Variants in TOP1 observed in about 807,000 individuals in gnomAD.
TOP1 encodes the protein DNA topoisomerase 1.
Under a neutral mutation model 111.1 loss-of-function variants are expected in TOP1, and 10 were observed. The observed-to-expected ratio is 0.09, with a 90% confidence interval of 0.06 to 0.15. TOP1 has a LOEUF of 0.15. TOP1 is among the 10% of genes least tolerant of loss of function. TOP1 has a pLI of 1.00. For synonymous variants in TOP1, 271 were observed against 302.9 expected (o/e 0.89, Z 1.10); for missense variants, 474 against 926.7 (o/e 0.51, Z 6.34).
At position 41,121,608 on chromosome 20, in the gene TOP1, T is replaced by A; in HGVS notation, c.1951-88T>A. On this transcript the variant is annotated intron_variant, in intron 18 of 20. Transcript: ENST00000361337. The surrounding 1 kb of genome is among the most constrained non-coding windows in gnomAD (Gnocchi z 4.2). ...TGACAAACCACTGACAGAGACAGCCTGGTCCAGATAACATCTTGGTTTCAC... is the reference window on the plus strand; with the variant it reads ...TGACAAACCACTGACAGAGACAGCCAGGTCCAGATAACATCTTGGTTTCAC... 6 of 1,000,340 alleles carry A rather than the reference T, an allele frequency of 6.0e-6. No homozygotes were observed. The South Asian group carries it at 7.8e-5, about 13-fold the overall frequency. 62.0% of individuals were successfully genotyped at this position (1,000,340 alleles called of 1,614,324 possible).
At chr20:41,040,765 C>T (rs796921502) in intron 2 of TOP1, among the ~76,000 whole-genome samples, 6 of 140,830 alleles carry the variant, frequency 4.3e-5, no homozygotes, top group African/African-American at 1.7e-4. Context: ...GAGATGGCAC[C>T]ACTGCACTTC....
At position 41,097,994 on chromosome 20, in the gene TOP1, T is replaced by G. The variant is rs568547888; in HGVS notation, c.853-221T>G. The stretch of plus-strand genomic sequence containing the variant: ...CATAAGAATTCATTTTTTTCCATGA[T>G]AAGTCATTTTAAAACATTTTAATAT... On this transcript the variant is annotated intron_variant, in intron 10 of 20. Transcript: ENST00000361337. This position sits in a 1 kb window ranked among gnomAD's most constrained non-coding sequence, Gnocchi z 4.2. 6.6e-6 allele frequency among the ~76,000 whole-genome samples: 1 copy of G among 152,222 alleles called. No homozygotes were observed. The highest frequency in any genetic ancestry group is 1.5e-5 in the Non-Finnish European group (1 of 68,032).
intron 3 of TOP1, chr20:41,072,163 A>G: frequency 1.2e-6 from 1 of 850,652 alleles, no homozygotes; most frequent in Non-Finnish European, 1.4e-6. Flanking sequence ...GTAATTAATC[A>G]TCTGTTTTTC....
Position 41,071,027 on chromosome 20 carries a change from G to A in TOP1, c.156-5144G>A, listed in dbSNP as rs916921060. ...GGCACTGGGTGCTACTCAAGTATCT[G>A]TTAAATACTTTTATGGGGGATAGAG... On this transcript the variant is annotated intron_variant, in intron 3 of 20. Transcript: ENST00000361337. The surrounding 1 kb of genome is among the most constrained non-coding windows in gnomAD (Gnocchi z 4.3). Among the ~76,000 whole-genome samples, 21 of 152,202 alleles carry A rather than the reference G, an allele frequency of 1.4e-4. No individual in the cohort carries two copies. Among genetic ancestry groups the A allele is most frequent in the Non-Finnish European group, 2.6e-4 (18 of 68,034 alleles).
At chr20:41,117,627 C>G (rs1041462727) in intron 17 of TOP1, among the ~76,000 whole-genome samples, 6 of 151,742 alleles carry the variant, frequency 4.0e-5, no homozygotes, top group Non-Finnish European at 8.8e-5. Flanking sequence ...CCTTGTGATC[C>G]GCCCGCCTCG....
In TOP1 at chr20:41,100,276, G is replaced by A; in HGVS notation, c.1163+33G>A. On this transcript the variant is annotated intron_variant, in intron 12 of 20. Coordinates refer to ENST00000361337, the MANE Select transcript of TOP1 (RefSeq NM_003286.4). This position sits in a 1 kb window ranked among gnomAD's most constrained non-coding sequence, Gnocchi z 4.4. ...CGCACTTCATCCTATGGGCCAAAAA[G>A]GGGGTGGAGGGCGTCCTTTATTGTA... 1 of 1,568,366 alleles carries A rather than the reference G, an allele frequency of 6.4e-7. No individual in the cohort carries two copies. Among genetic ancestry groups the A allele is most frequent in the East Asian group, 2.2e-5 (1 of 44,492 alleles).
intron 2 of TOP1, among the ~76,000 whole-genome samples, chr20:41,039,234 T>C (rs1194551481): frequency 2.0e-5 from 3 of 152,224 alleles, no homozygotes; most frequent in Non-Finnish European, 4.4e-5. Flanking sequence ...ATTAGTACGT[T>C]GTAGGTATAT....
rs1222752833 is a variant in TOP1, at chr20:41,082,753, T to G, written c.507+1513T>G. ...TGAGAGTGAAATGTTAAGTAGTGAT[T>G]ATGGTAGCCAATCACTCCACTTGCA... On this transcript the variant is annotated intron_variant, in intron 7 of 20. Coordinates refer to ENST00000361337, the MANE Select transcript of TOP1 (RefSeq NM_003286.4). The surrounding 1 kb of genome is among the most constrained non-coding windows in gnomAD (Gnocchi z 4.1). Among the ~76,000 whole-genome samples, 1 of 152,094 alleles carries G rather than the reference T, an allele frequency of 6.6e-6. No homozygotes were observed. Among genetic ancestry groups the G allele is most frequent in the African/African-American group, 2.4e-5 (1 of 41,414 alleles).
chr20:41,101,062 A>ATTTTACTT lies in TOP1; in HGVS notation c.1164-147_1164-146insTTTTACTT. ...ATGACAGTTGGCTGAGGGTAAGTAA[A>ATTTTACTT]ACCATGCATAAGGTGGGACTACTGT... On this transcript the variant is annotated intron_variant, in intron 12 of 20. Transcript: ENST00000361337. This position sits in a 1 kb window ranked among gnomAD's most constrained non-coding sequence, Gnocchi z 4.1. 1 of 709,068 alleles carries ATTTTACTT rather than the reference A, an allele frequency of 1.4e-6. No homozygotes were observed. The highest frequency in any genetic ancestry group is 2.3e-6 in the Non-Finnish European group (1 of 429,082). The allele number at this position is 709,068 out of a possible 1,614,324, so 43.9% of individuals were successfully genotyped here.
At chr20:41,117,380 A>ATTTTTTTTTTTTT (rs1192075214) in intron 17 of TOP1, among the ~76,000 whole-genome samples, 1 of 85,530 alleles carries the variant, frequency 1.2e-5, no homozygotes, top group African/African-American at 4.9e-5. Context: ...CTGTGGCTTA[A>ATTTTTTTTTTTTT]TTTTTTTTTT....
chr20:41,064,499 C>G (rs1485977793), intron 3 of TOP1, among the ~76,000 whole-genome samples: 1 of 152,188 alleles, frequency 6.6e-6, no homozygotes, highest in Non-Finnish European at 1.5e-5. Context: ...CAGTTTTTGG[C>G]TGTCTTTTCT....
At chr20:41,054,205 G>C (rs776442340) in intron 2 of TOP1, among the ~76,000 whole-genome samples, 1 of 152,084 alleles carries the variant, frequency 6.6e-6, no homozygotes, top group Non-Finnish European at 1.5e-5. Context: ...GACCCGGTGG[G>C]AGGTGATTGA....
At chr20:41,044,041 C>T (rs368926138) in intron 2 of TOP1, among the ~76,000 whole-genome samples, 1 of 152,194 alleles carries the variant, frequency 6.6e-6, no homozygotes, top group African/African-American at 2.4e-5. Context: ...CTTTGGGAGG[C>T]CGAGGCAGGC....
At chr20:41,072,933 G>A in intron 3 of TOP1, 1 of 985,444 alleles carries the variant, frequency 1.0e-6, no homozygotes, top group Non-Finnish European at 1.2e-6. Flanking sequence ...TGGAAAGTCA[G>A]GATGATAGCT....
At position 41,087,179 on chromosome 20, in the gene TOP1, G is replaced by A. The variant is rs113934507; in HGVS notation, c.614+2611G>A. On this transcript the variant is annotated intron_variant, in intron 8 of 20. Transcript: ENST00000361337. The stretch of plus-strand genomic sequence containing the variant: ...CCCTCCTTTGGTAATTGTTCAGTTG[G>A]AAAAGGTCCAGGTCCCTCAGGGTTT... Among the ~76,000 whole-genome samples the A allele has an allele frequency of 2.2e-3, 331 of 152,254 alleles. 3 individuals are homozygous for A. Among genetic ancestry groups the A allele is most frequent in the African/African-American group, 7.3e-3 (303 of 41,518 alleles).
At chr20:41,051,847 G>GAGT (rs1243266222) in intron 2 of TOP1, among the ~76,000 whole-genome samples, 1 of 152,116 alleles carries the variant, frequency 6.6e-6, no homozygotes, top group East Asian at 1.9e-4. Context: ...TGAAATGATT[G>GAGT]AGTAGGCTGA....
chr20:41,031,612 G>T (rs2033120649), intron 2 of TOP1, among the ~76,000 whole-genome samples: 1 of 152,156 alleles, frequency 6.6e-6, no homozygotes, highest in African/African-American at 2.4e-5. Context: ...TCTTTCCATG[G>T]ATCATCTAAT....
chr20:41,074,482 T>C (rs1454865700), intron 3 of TOP1, among the ~76,000 whole-genome samples: 1 of 140,978 alleles, frequency 7.1e-6, no homozygotes, highest in Non-Finnish European at 1.5e-5. Context: ...AAAGTGGGCA[T>C]TGTTTTGTTT....
At chr20:41,105,046 G>C (rs983248799) in intron 13 of TOP1, among the ~76,000 whole-genome samples, 4 of 152,202 alleles carry the variant, frequency 2.6e-5, no homozygotes, top group African/African-American at 7.2e-5. Context: ...TGTCTTATGT[G>C]CTCAATTGTT....
Sources: allele counts gnomAD v4.1 joint callset (sites outside exome capture counted in the v4.1 genomes callset), GRCh38; gene constraint gnomAD v4.1.1; non-coding constraint Gnocchi (gnomAD v3.1); transcripts MANE v1.5; gene names NCBI Gene and HGNC (gene_info 2026-07-23, HGNC 2026-07-21).